The following FRMD5 variants were observed in gnomAD, a reference collection of about 807,000 sequenced individuals.
FRMD5 encodes FERM domain-containing protein 5.
In FRMD5, 20 loss-of-function variants were observed where a neutral mutation model predicts 69.0. That is an observed-to-expected ratio of 0.29 (90% CI 0.20 to 0.42). The LOEUF (loss-of-function observed/expected upper bound fraction) is 0.42. Ranked by LOEUF, FRMD5 falls within the 10% of genes least tolerant of loss-of-function variation. FRMD5 has a pLI of 1.00. For missense variants in FRMD5, 595 were observed against 708.6 expected (o/e 0.84, Z 1.82); for synonymous variants, 271 against 260.1 (o/e 1.04, Z -0.40).
At chr15:43,906,814 G>A (rs1366029817) in intron 5 of FRMD5, among the ~76,000 whole-genome samples, 2 of 149,012 alleles carry the variant, frequency 1.3e-5, no homozygotes, top group Non-Finnish European at 2.9e-5. Flanking sequence ...TGTTAGCCAG[G>A]ATGGTCTCGA....
chr15:44,189,205 A>C (rs1462681241), intron 1 of FRMD5, among the ~76,000 whole-genome samples: 1 of 152,232 alleles, frequency 6.6e-6, no homozygotes, highest in East Asian at 1.9e-4. Context: ...ATGATACTAG[A>C]AAGTTGGTAA....
At position 44,004,283 on chromosome 15, in the gene FRMD5, T is replaced by C. The variant is rs578035500; in HGVS notation, c.103-79974A>G. On this transcript the variant is annotated intron_variant, in intron 1 of 13. Coordinates refer to ENST00000417257, the MANE Select transcript of FRMD5 (RefSeq NM_032892.5). ...TTTATTTAACATGTATGTATACCTA[T>C]GTGTGTACATATCAGTACAAGCATA... Among the ~76,000 whole-genome samples the C allele has an allele frequency of 3.3e-5, 5 of 152,370 alleles. No individual in the cohort carries two copies. The East Asian group carries it at 9.6e-4, about 29-fold the overall frequency.
At chr15:44,004,296 C>G (rs1890340283) in intron 1 of FRMD5, among the ~76,000 whole-genome samples, 1 of 152,266 alleles carries the variant, frequency 6.6e-6, no homozygotes, top group African/African-American at 2.4e-5. Context: ...GTGTACATAT[C>G]AGTACAAGCA....
At chr15:44,144,761 C>T (rs768316954) in intron 1 of FRMD5, among the ~76,000 whole-genome samples, 14 of 152,156 alleles carry the variant, frequency 9.2e-5, no homozygotes, top group Non-Finnish European at 1.8e-4. Context: ...TTCTCAAAAA[C>T]AAAATTCTTC....
chr15:44,182,270 C>G (rs2078016123), intron 1 of FRMD5, among the ~76,000 whole-genome samples: 1 of 150,960 alleles, frequency 6.6e-6, no homozygotes, highest in East Asian at 1.9e-4. Flanking sequence ...CTTGGCCTCC[C>G]AAAGTCCTGG....
intron 1 of FRMD5, among the ~76,000 whole-genome samples, chr15:44,134,905 T>C (rs559444110): frequency 6.6e-6 from 1 of 152,228 alleles, no homozygotes; most frequent in Admixed American, 6.5e-5. Flanking sequence ...AAGATGCCTA[T>C]GTGAGAAACA....
intron 4 of FRMD5, among the ~76,000 whole-genome samples, chr15:43,910,289 T>C (rs1461296094): frequency 6.6e-6 from 1 of 151,944 alleles, no homozygotes; most frequent in Non-Finnish European, 1.5e-5. Context: ...CCAGCCCCAG[T>C]CGATCTGGTG....
chr15:44,037,819 C>A (rs1891989939), intron 1 of FRMD5, among the ~76,000 whole-genome samples: 1 of 152,032 alleles, frequency 6.6e-6, no homozygotes, highest in South Asian at 2.1e-4. Flanking sequence ...GGTTATATAC[C>A]TATTAATGGG....
chr15:44,125,639 T>C (rs148583803), intron 1 of FRMD5, among the ~76,000 whole-genome samples: 297 of 152,314 alleles, frequency 1.9e-3, no homozygotes, highest in Non-Finnish European at 3.3e-3. Context: ...CTACTGTGAT[T>C]TGACATTCAG....
At chr15:43,884,639 G>C in intron 12 of FRMD5, 88 bp downstream of exon 12, 1 of 1,201,830 alleles carries the variant, frequency 8.3e-7, no homozygotes, top group Non-Finnish European at 1.2e-6. Context: ...AGCCACTGGA[G>C]CCAGGGGCTT....
intron 1 of FRMD5, among the ~76,000 whole-genome samples, chr15:44,056,454 G>C (rs1892872908): frequency 6.6e-6 from 1 of 152,122 alleles, no homozygotes; most frequent in Non-Finnish European, 1.5e-5. Context: ...TCTGCATGTG[G>C]GGCAACCTAC....
chr15:43,908,926 G>C (rs921602111), intron 5 of FRMD5, among the ~76,000 whole-genome samples: 1 of 152,148 alleles, frequency 6.6e-6, no homozygotes, highest in African/African-American at 2.4e-5. Context: ...CTGAGAGGAT[G>C]GGGAAAAAAT....
chr15:43,892,553 A>C (rs962317080), intron 7 of FRMD5, among the ~76,000 whole-genome samples: 1 of 152,242 alleles, frequency 6.6e-6, no homozygotes, highest in African/African-American at 2.4e-5. Flanking sequence ...AGTATGTGTT[A>C]AGAGCTAAAC....
At chr15:44,105,965 C>A (rs575738207) in intron 1 of FRMD5, among the ~76,000 whole-genome samples, 61 of 152,264 alleles carry the variant, frequency 4.0e-4, no homozygotes, top group African/African-American at 1.5e-3. Context: ...CTAGCACGTC[C>A]TCCTATATAC....
At position 44,132,757 on chromosome 15, in the gene FRMD5, TG is replaced by T. The variant is rs1351826741; in HGVS notation, c.102+62195del. Among the ~76,000 whole-genome samples the T allele has an allele frequency of 5.3e-3, 636 of 119,082 alleles. 19 individuals are homozygous for T. The Admixed American group carries it at 0.056, about 11-fold the overall frequency. 78.1% of individuals were successfully genotyped at this position (119,082 alleles called of 152,430 possible). The stretch of plus-strand genomic sequence containing the variant: ...ATGAATGTATGTATGTATGTATGTA[TG>T]TATGTATTTATTTTTTTGAGACAGA... On this transcript the variant is annotated intron_variant, in intron 1 of 13. Coordinates refer to ENST00000417257, the MANE Select transcript of FRMD5 (RefSeq NM_032892.5).
intron 1 of FRMD5, among the ~76,000 whole-genome samples, chr15:44,024,184 G>T (rs1021345994): frequency 2.6e-5 from 4 of 151,882 alleles, no homozygotes; most frequent in African/African-American, 9.7e-5. Flanking sequence ...ATAAACACCA[G>T]ATGTGTGGCA....
At chr15:44,020,118 T>C (rs1891148718) in intron 1 of FRMD5, among the ~76,000 whole-genome samples, 1 of 152,308 alleles carries the variant, frequency 6.6e-6, no homozygotes, top group South Asian at 2.1e-4. Flanking sequence ...CAGTATATGG[T>C]ATGATATCAT....
At chr15:43,935,420 G>A (rs1006468325) in intron 1 of FRMD5, among the ~76,000 whole-genome samples, 1 of 152,190 alleles carries the variant, frequency 6.6e-6, no homozygotes. Context: ...AGAGGCAGAG[G>A]TTGCAGTGAG....
At chr15:43,971,809 C>T (rs759308505) in intron 1 of FRMD5, among the ~76,000 whole-genome samples, 29 of 150,122 alleles carry the variant, frequency 1.9e-4, no homozygotes, top group Non-Finnish European at 2.5e-4. Flanking sequence ...CGGGTTCAAG[C>T]GATTCTCCTG....
Sources: allele counts gnomAD v4.1 joint callset (sites outside exome capture counted in the v4.1 genomes callset), GRCh38; gene constraint gnomAD v4.1.1; transcripts MANE v1.5; gene names NCBI Gene and HGNC (gene_info 2026-07-23, HGNC 2026-07-21).